The following ATAD2B variants were observed in gnomAD, a reference collection of about 807,000 sequenced individuals.
The protein encoded by ATAD2B is ATPase family AAA domain-containing protein 2B.
ATAD2B carries 40 observed loss-of-function variants against 167.6 expected under a neutral mutation model. That is an observed-to-expected ratio of 0.24 (90% CI 0.19 to 0.31). The LOEUF (loss-of-function observed/expected upper bound fraction) is 0.31. ATAD2B is among the 10% of genes least tolerant of loss of function. The pLI is 1.00. For synonymous variants in ATAD2B, 579 were observed against 596.5 expected (o/e 0.97, Z 0.43); for missense variants, 1,242 against 1,757.2 (o/e 0.71, Z 5.24).
chr2:23,696,314 C>T, the ATAD2B span: 3 of 1,550,742 alleles, frequency 1.9e-6, no homozygotes, highest in Non-Finnish European at 2.6e-6. This position sits in a 1 kb window ranked among gnomAD's most constrained non-coding sequence, Gnocchi z 5.5. Context: ...GCTCTCTCTG[C>T]CTCCCACACT....
chr2:23,707,220 C>T, the ATAD2B span: 1 of 152,266 alleles, frequency 6.6e-6, no homozygotes, highest in Admixed American at 6.5e-5. Flanking sequence ...GCCCAGCTGC[C>T]CACGCGGAGC....
At chr2:23,738,526 C>G in the ATAD2B span, among the ~76,000 whole-genome samples, 1 of 152,156 alleles carries the variant, frequency 6.6e-6, no homozygotes, top group Non-Finnish European at 1.5e-5. Context: ...ACCAGCCCTG[C>G]CCTAAAAGAG....
chr2:23,727,329 C>T, the ATAD2B span, among the ~76,000 whole-genome samples: 47 of 152,300 alleles, frequency 3.1e-4, no homozygotes, highest in Admixed American at 4.6e-4. Flanking sequence ...AAATGCTCAA[C>T]GTCATATGTC....
intron 16 of ATAD2B, among the ~76,000 whole-genome samples, chr2:23,822,051 TCTTA>T (rs1687527838): frequency 6.6e-6 from 1 of 152,174 alleles, no homozygotes; most frequent in African/African-American, 2.4e-5. Flanking sequence ...AAAATGAGGT[TCTTA>T]TTTACTCCCT....
intron 22 of ATAD2B, among the ~76,000 whole-genome samples, chr2:23,766,612 G>C (rs1042510949): frequency 6.6e-6 from 1 of 152,166 alleles, no homozygotes; most frequent in African/African-American, 2.4e-5. Context: ...GACTGCACCA[G>C]GGAAAGCTGG....
At chr2:23,819,091 G>A (rs553241050) in intron 17 of ATAD2B, among the ~76,000 whole-genome samples, 1 of 152,068 alleles carries the variant, frequency 6.6e-6, no homozygotes, top group South Asian at 2.1e-4. Flanking sequence ...TTTCATTTCT[G>A]CCCATTTTAG....
intron 18 of ATAD2B, among the ~76,000 whole-genome samples, chr2:23,798,950 T>C (rs1683033591): frequency 6.6e-6 from 1 of 152,146 alleles, no homozygotes; most frequent in African/African-American, 2.4e-5. Context: ...GACACTTCCA[T>C]TGTCAGAAAA....
chr2:23,876,741 A>T (rs17045975), intron 7 of ATAD2B, among the ~76,000 whole-genome samples: 28,134 of 152,102 alleles, frequency 0.18, 2,703 homozygotes, highest in Middle Eastern at 0.26. Context: ...TTAATCTTTG[A>T]GACTATGAGA....
At chr2:23,783,527 C>G (rs1350541839) in intron 21 of ATAD2B, among the ~76,000 whole-genome samples, 1 of 152,010 alleles carries the variant, frequency 6.6e-6, no homozygotes, top group African/African-American at 2.4e-5. Flanking sequence ...CCTTTGGAGT[C>G]ATCACAAACA....
At chr2:23,912,106 CAAAAT>C (rs1702402620) in intron 1 of ATAD2B, among the ~76,000 whole-genome samples, 1 of 151,502 alleles carries the variant, frequency 6.6e-6, no homozygotes, top group African/African-American at 2.4e-5. Flanking sequence ...TAACCATAAA[CAAAAT>C]AAGTCAGAAC....
the ATAD2B span, among the ~76,000 whole-genome samples, chr2:23,701,979 ATTTTTT>A: frequency 6.9e-6 from 1 of 144,578 alleles, no homozygotes; most frequent in Non-Finnish European, 1.5e-5. Context: ...TGCCCAGCTA[ATTTTTT>A]TTTTTTTTTG....
Position 23,751,966 on chromosome 2 carries a change from T to C in ATAD2B, c.*80A>G, listed in dbSNP as rs1262264421. On this transcript the variant is annotated 3_prime_UTR_variant, in exon 28 of 28. Coordinates refer to ENST00000238789, the MANE Select transcript of ATAD2B (RefSeq NM_017552.4). The stretch of plus-strand genomic sequence containing the variant: ...ACACCAAGGCTCTGCACATAATTGG[T>C]GCAATTTGAAATTGAATGGCTCAGA... 3 of 1,087,638 alleles carry C rather than the reference T, an allele frequency of 2.8e-6. No homozygotes were observed. The African/African-American group carries it at 4.8e-5, about 17-fold the overall frequency. The allele number at this position is 1,087,638 out of a possible 1,614,324, so 67.4% of individuals were successfully genotyped here.
At chr2:23,852,868 G>A (rs566604781) in intron 13 of ATAD2B, among the ~76,000 whole-genome samples, 10 of 150,760 alleles carry the variant, frequency 6.6e-5, no homozygotes, top group Non-Finnish European at 1.3e-4. Context: ...GCAGTGAGCC[G>A]AGATCACGCC....
In ATAD2B at chr2:23,845,096, GAA is replaced by G. The variant is rs375247802; in HGVS notation, c.1569-11020_1569-11019del. 9.9e-4 allele frequency among the ~76,000 whole-genome samples: 150 copies of G among 152,092 alleles called. 1 individual carries two copies. In the East Asian group the frequency reaches 0.018, roughly 18 times the overall value. On this transcript the variant is annotated intron_variant, in intron 13 of 27. Transcript: ENST00000238789. ...CATCTTTAAAGCACGGAAAGAAAAAGAAAAAAGTGTCGACTTCAAATTTTATA... is the reference window on the plus strand; with the variant it reads ...CATCTTTAAAGCACGGAAAGAAAAAGAAAAGTGTCGACTTCAAATTTTATA...
the ATAD2B span, among the ~76,000 whole-genome samples, chr2:23,737,250 C>T: frequency 6.6e-6 from 1 of 152,206 alleles, no homozygotes; most frequent in African/African-American, 2.4e-5. Context: ...AGACTGCCTC[C>T]TCAAGTGGGT....
intron 1 of ATAD2B, among the ~76,000 whole-genome samples, chr2:23,907,447 C>T (rs1456133211): frequency 1.3e-5 from 2 of 152,044 alleles, no homozygotes; most frequent in South Asian, 2.1e-4. Flanking sequence ...AACTACAAAC[C>T]ACTGCTCAAG....
At chr2:23,747,747 C>T (rs868078211), downstream of ATAD2B, among the ~76,000 whole-genome samples, 1 of 152,014 alleles carries the variant, frequency 6.6e-6, no homozygotes, top group South Asian at 2.1e-4. Flanking sequence ...ATGTCAGGCA[C>T]ATAACAAACA....
At chr2:23,804,238 T>C (rs1031208028) in intron 18 of ATAD2B, among the ~76,000 whole-genome samples, 4 of 152,224 alleles carry the variant, frequency 2.6e-5, no homozygotes, top group African/African-American at 7.2e-5. Flanking sequence ...TTAGCAAAGA[T>C]AGTGTTATAT....
At chr2:23,816,248 G>A (rs561180996) in intron 17 of ATAD2B, among the ~76,000 whole-genome samples, 1 of 152,306 alleles carries the variant, frequency 6.6e-6, no homozygotes, top group South Asian at 2.1e-4. Flanking sequence ...AACAATCTGT[G>A]TCAACATGTT....
Sources: gnomAD v4.1 joint callset for allele counts (sites outside exome capture counted in the v4.1 genomes callset) on GRCh38, gnomAD v4.1.1 for gene constraint, Gnocchi (gnomAD v3.1) non-coding constraint, MANE v1.5 for transcripts, NCBI Gene and HGNC (gene_info 2026-07-23, HGNC 2026-07-21) for gene names.